ECHDC2: variants seen among roughly 807,000 people sequenced by gnomAD.
ECHDC2 encodes enoyl-CoA hydratase domain containing 2.
Under a neutral mutation model 40.6 loss-of-function variants are expected in ECHDC2, and 34 were observed. The ratio of observed to expected loss-of-function variants is 0.84; its 90% CI spans 0.64 to 1.11. ECHDC2 has a LOEUF of 1.11. Among genes scored for constraint, ECHDC2 ranks in the 50% most tolerant of loss-of-function variants. ECHDC2 has a pLI of 0.00. For missense variants in ECHDC2, 392 were observed against 400.7 expected (o/e 0.98, Z 0.19); for synonymous variants, 162 against 166.6 (o/e 0.97, Z 0.21).
chr1:52,906,609 C>A lies in ECHDC2; in HGVS notation c.367G>T (p.Ala123Ser). The A allele has an allele frequency of 6.2e-7, 1 of 1,607,368 alleles. No homozygotes were observed. Among genetic ancestry groups the A allele is most frequent in the Non-Finnish European group, 8.5e-7 (1 of 1,176,496 alleles). Residue 123 changes from alanine (A) to serine (S), a missense_variant and splice_region_variant, in exon 5 of 10, where the codon GCC becomes TCC. By Grantham distance (99) the Ala-to-Ser change is moderately conservative (BLOSUM62 1). Coordinates refer to ENST00000371522, the MANE Select transcript of ECHDC2 (RefSeq NM_001198961.2). ...GCCGCAATGGTGGGTGCAGGGAAGG[C>A]TGCTGTGGAGAGGAAGAAAGGCTCA... ...RLRGLMNDIA[A>S]FPAPTIAAMD...
chr1:52,918,474 G>A (rs531645124), intron 1 of ECHDC2, among the ~76,000 whole-genome samples: 4 of 152,120 alleles, frequency 2.6e-5, no homozygotes, highest in African/African-American at 4.8e-5. Context: ...GCACGTTATC[G>A]CCCCTGAAGA....
At position 52,920,469 on chromosome 1, in the gene ECHDC2, G is replaced by C. The variant is rs1651626637; in HGVS notation, c.121+1084C>G. ...CCCAAGAATGCAGGCCAAGGAGATG[G>C]ACGAGGAAGATAAGGCTTTCAAGCA... On this transcript the variant is annotated intron_variant, in intron 1 of 9. Coordinates refer to ENST00000371522, the MANE Select transcript of ECHDC2 (RefSeq NM_001198961.2). The C allele has an allele frequency of 2.8e-6, 4 of 1,447,608 alleles. No individual in the cohort carries two copies. In the African/African-American group the frequency reaches 4.2e-5, roughly 15 times the overall value. 89.7% of individuals were successfully genotyped at this position (1,447,608 alleles called of 1,614,324 possible).
chr1:52,911,923 A>G, intron 1 of ECHDC2, 133 bp from the exon 2 acceptor site: 1 of 1,487,926 alleles, frequency 6.7e-7, no homozygotes, highest in Admixed American at 2.2e-5. Context: ...ACTTGCCACA[A>G]GTCACACACT....
intron 5 of ECHDC2, chr1:52,905,413 C>T (rs558698756): frequency 3.1e-5 from 12 of 391,790 alleles, no homozygotes; most frequent in Admixed American, 7.3e-5. Flanking sequence ...ACACGAGGTA[C>T]GACGCTTGGA....
At chr1:52,920,662 C>T in intron 1 of ECHDC2, 2 of 706,706 alleles carry the variant, frequency 2.8e-6, no homozygotes, top group Non-Finnish European at 4.9e-6. Flanking sequence ...CTCTCTATTC[C>T]CTGCCATAAC....
At chr1:52,917,168 G>A (rs543867608) in intron 1 of ECHDC2, among the ~76,000 whole-genome samples, 1 of 151,660 alleles carries the variant, frequency 6.6e-6, no homozygotes, top group Non-Finnish European at 1.5e-5. Flanking sequence ...GCTGCAGTGG[G>A]CCGAGATCAC....
intron 4 of ECHDC2, 148 bp from the exon 5 acceptor site, chr1:52,906,759 T>A: frequency 1.8e-6 from 1 of 546,974 alleles, no homozygotes. Context: ...CAGGTTATCT[T>A]AATTCTTTTT....
intron 8 of ECHDC2, chr1:52,898,807 C>T (rs1344646864): frequency 5.5e-6 from 2 of 363,938 alleles, no homozygotes; most frequent in Non-Finnish European, 1.0e-5. Flanking sequence ...CAAGGCATCA[C>T]CCCAAGCCCT....
At position 52,907,911 on chromosome 1, in the gene ECHDC2, C is replaced by T; in HGVS notation, c.321G>A (p.Val107=). ...KEREQMSEAE[V]GVFVQRLRGL... ...CCCGGAGTCGCTGGACAAACACCCC[C>T]ACCTCTGCTTCACTCATCTGTTCCC... Residue 107 remains valine (V), a synonymous_variant, in exon 4 of 10, where the codon GTG becomes GTA. Coordinates refer to ENST00000371522, the MANE Select transcript of ECHDC2 (RefSeq NM_001198961.2). 1.9e-6 allele frequency: 3 copies of T among 1,614,158 alleles called. No individual in the cohort carries two copies. The highest frequency in any genetic ancestry group is 2.2e-5 in the East Asian group (1 of 44,870).
In ECHDC2 at chr1:52,921,675, G is replaced by A. The variant is rs1015094171; in HGVS notation, c.-2C>T. 1 of 1,560,518 alleles carries A rather than the reference G, an allele frequency of 6.4e-7. No homozygotes were observed. The highest frequency in any genetic ancestry group is 8.7e-7 in the Non-Finnish European group (1 of 1,155,638). ...CAGGAGGCACAGAACGCGCAGCATCGGGGCGCAGGCTGGGAGTGAAGGTGC... is the reference window on the plus strand; with the variant it reads ...CAGGAGGCACAGAACGCGCAGCATCAGGGCGCAGGCTGGGAGTGAAGGTGC... On this transcript the variant is annotated 5_prime_UTR_variant, in exon 1 of 10. Transcript: ENST00000371522.
chr1:52,904,546 T>G, intron 7 of ECHDC2, 100 bp downstream of exon 7: 1 of 1,093,362 alleles, frequency 9.1e-7, no homozygotes, highest in Non-Finnish European at 1.3e-6. Context: ...TAATCATATG[T>G]CTCTGGGAGA....
chr1:52,896,337 T>TA lies in ECHDC2; in HGVS notation c.*182dup. 1 of 602,552 alleles carries TA rather than the reference T, an allele frequency of 1.7e-6. No individual in the cohort carries two copies. Among genetic ancestry groups the TA allele is most frequent in the Non-Finnish European group, 3.0e-6 (1 of 333,670 alleles). 37.3% of individuals were successfully genotyped at this position (602,552 alleles called of 1,614,324 possible). A position where few individuals can be genotyped will look rare whatever the true frequency, so the allele number is the denominator to read the frequency against. On this transcript the variant is annotated 3_prime_UTR_variant, in exon 10 of 10. Coordinates refer to ENST00000371522, the MANE Select transcript of ECHDC2 (RefSeq NM_001198961.2). ...AGGGTGAAGCTAAGGAAGGTAGCAG[T>TA]AGGTGGTAGGATCAGCACCTTGGTT...
chr1:52,901,323 C>T (rs1646978053), intron 7 of ECHDC2: 1 of 150,478 alleles, frequency 6.6e-6, no homozygotes, highest in Non-Finnish European at 1.5e-5. Flanking sequence ...AAGGACTGCT[C>T]AGGCCCAGGG....
In ECHDC2 at chr1:52,896,535, T is replaced by G. The variant is rs978934564; in HGVS notation, c.864A>C (p.Lys288Asn). 6.2e-7 allele frequency: 1 copy of G among 1,614,090 alleles called. No individual in the cohort carries two copies. Among genetic ancestry groups the G allele is most frequent in the African/African-American group, 1.3e-5 (1 of 75,038 alleles). The change falls in exon 10 of 10, where the codon AAA (lysine) becomes AAC (asparagine). Residue 288 changes from lysine (K) to asparagine (N), a missense_variant. Coordinates refer to ENST00000371522, the MANE Select transcript of ECHDC2 (RefSeq NM_001198961.2). ...AAAATGGGGGTCATTTGCCAACAAA[T>G]TTGGGAGTCCGCTTCTCCCTGAAGG... is the stretch of plus-strand genomic sequence containing the variant. ...MAAFREKRTP[K>N]FVGK
At chr1:52,911,532 C>A in intron 3 of ECHDC2, 34 bp downstream of exon 3, 7 of 1,607,486 alleles carry the variant, frequency 4.4e-6, no homozygotes, top group Non-Finnish European at 6.0e-6. Flanking sequence ...GGGCACCCTG[C>A]AGAGCACAGA....
chr1:52,915,152 G>GT, intron 1 of ECHDC2: 1 of 454,140 alleles, frequency 2.2e-6, no homozygotes, highest in East Asian at 7.0e-5. Context: ...CTTCTAGGCT[G>GT]TTTCTCCTCC....
intron 7 of ECHDC2, among the ~76,000 whole-genome samples, chr1:52,903,817 C>CT (rs1647155945): frequency 6.7e-6 from 1 of 149,166 alleles, no homozygotes; most frequent in Non-Finnish European, 1.5e-5. Context: ...TTCTTTCTTT[C>CT]TTTCTTTTTT....
chr1:52,909,307 G>T (rs938637265), intron 3 of ECHDC2, among the ~76,000 whole-genome samples: 3 of 152,124 alleles, frequency 2.0e-5, no homozygotes, highest in African/African-American at 7.2e-5. Context: ...CTTATCCGTA[G>T]GGGACTGGTT....
At position 52,896,150 on chromosome 1, in the gene ECHDC2, A is replaced by C. The variant is rs76739862; in HGVS notation, c.*370T>G. The C allele has an allele frequency of 0.014, 2,869 of 209,090 alleles. 82 individuals are homozygous for C. Among genetic ancestry groups the C allele is most frequent in the African/African-American group, 0.062 (2,734 of 44,384 alleles). The allele number at this position is 209,090 out of a possible 1,614,324, so 13.0% of individuals were successfully genotyped here. On this transcript the variant is annotated 3_prime_UTR_variant, in exon 10 of 10. Coordinates refer to ENST00000371522, the MANE Select transcript of ECHDC2 (RefSeq NM_001198961.2). ...CAGGAAGAAACTAGGGGTATCTTAA[A>C]ATCTTCTGACATCTCTAATGAGTGC...
Sources: gnomAD v4.1 joint callset for allele counts (sites outside exome capture counted in the v4.1 genomes callset) on GRCh38, gnomAD v4.1.1 for gene constraint, MANE v1.5 for transcripts, NCBI Gene and HGNC (gene_info 2026-07-23, HGNC 2026-07-21) for gene names.